Variants in MAP2K1 observed in about 807,000 individuals in gnomAD.
The protein encoded by MAP2K1 is dual specificity mitogen-activated protein kinase kinase 1.
A neutral mutation model predicts 46.3 loss-of-function variants in MAP2K1; 16 were observed. The ratio of observed to expected loss-of-function variants is 0.35; its 90% CI spans 0.23 to 0.52. MAP2K1 has a LOEUF of 0.52. Among genes scored for constraint, MAP2K1 ranks in the 20% least tolerant of loss-of-function variants. The pLI is 0.94. For missense variants in MAP2K1, 263 were observed against 497.1 expected (o/e 0.53, Z 4.48); for synonymous variants, 183 against 185.6 (o/e 0.99, Z 0.11).
rs574754285 is a variant in MAP2K1, at chr15:66,387,522, C to T, written c.80+95C>T. 191 of 1,270,618 alleles carry T rather than the reference C, an allele frequency of 1.5e-4. 4 individuals are homozygous for T. In the East Asian group the frequency reaches 4.8e-3, roughly 32 times the overall value. The allele number at this position is 1,270,618 out of a possible 1,614,324, so 78.7% of individuals were successfully genotyped here. A position where few individuals can be genotyped will look rare whatever the true frequency, so the allele number is the denominator to read the frequency against. On this transcript the variant is annotated intron_variant, in intron 1 of 10. Transcript: ENST00000307102. ...CGCCAGGCTCCGATCTGGTTTGTCACGTACGTCTGGGGCTGGCAGGGGGCG... is the reference window on the plus strand; with the variant it reads ...CGCCAGGCTCCGATCTGGTTTGTCATGTACGTCTGGGGCTGGCAGGGGGCG...
chr15:66,435,281 G>T (rs2093484949), intron 2 of MAP2K1, 44 bp downstream of exon 2: 1 of 1,474,662 alleles, frequency 6.8e-7, no homozygotes, highest in Non-Finnish European at 9.5e-7. Flanking sequence ...ATTTCTCAGG[G>T]TACTTAGAAG....
intron 1 of MAP2K1, among the ~76,000 whole-genome samples, chr15:66,423,205 A>G (rs2093447941): frequency 6.6e-6 from 1 of 152,092 alleles, no homozygotes; most frequent in Non-Finnish European, 1.5e-5. Context: ...CACGTTTTTA[A>G]AATTTCTAGC....
chr15:66,473,927 C>T (rs1890526204), intron 5 of MAP2K1, among the ~76,000 whole-genome samples: 1 of 152,270 alleles, frequency 6.6e-6, no homozygotes, highest in Admixed American at 6.5e-5. Flanking sequence ...AGCAATTCAC[C>T]CGCCCTAGCC....
intron 5 of MAP2K1, among the ~76,000 whole-genome samples, chr15:66,474,870 C>T (rs576113905): frequency 3.3e-5 from 5 of 149,826 alleles, no homozygotes; most frequent in African/African-American, 9.9e-5. Context: ...TGCCACTGCA[C>T]GCTAGCCTGG....
At chr15:66,453,862 A>G (rs1363471846) in intron 5 of MAP2K1, among the ~76,000 whole-genome samples, 1 of 152,058 alleles carries the variant, frequency 6.6e-6, no homozygotes, top group Non-Finnish European at 1.5e-5. Flanking sequence ...ACAGTGGTGC[A>G]GTCATGGCTC....
At chr15:66,448,447 G>A (rs1237929058) in intron 5 of MAP2K1, among the ~76,000 whole-genome samples, 7 of 152,168 alleles carry the variant, frequency 4.6e-5, no homozygotes, top group Non-Finnish European at 1.0e-4. Flanking sequence ...GTAGCTAGGT[G>A]GGCTGTGTAG....
chr15:66,448,555 C>T (rs1318630179), intron 5 of MAP2K1, among the ~76,000 whole-genome samples: 1 of 152,222 alleles, frequency 6.6e-6, no homozygotes, highest in East Asian at 1.9e-4. Context: ...TGTTCCCTCT[C>T]ATTTCCAGGG....
chr15:66,443,331 C>T lies in MAP2K1; in HGVS notation c.490C>T (p.Gln164Ter), dbSNP rs1891772126. 1 of 1,612,204 alleles carries T rather than the reference C, an allele frequency of 6.2e-7. No homozygotes were observed. The highest frequency in any genetic ancestry group is 8.5e-7 in the Non-Finnish European group (1 of 1,178,430). ...GAAGAAAGCTGGAAGAATTCCTGAA[C>T]AAATTTTAGGAAAAGTTAGCATTGC... The part of the protein sequence containing the change: ...VLKKAGRIPE[Q>*]ILGKVSIAVI... Residue 164 changes from glutamine (Q) to a stop codon, truncating the protein, a stop_gained, in exon 4 of 11, where the codon CAA (glutamine) becomes TAA (stop). Transcript: ENST00000307102. LOFTEE classifies it high-confidence loss of function.
At chr15:66,426,614 C>T (rs544234748) in intron 1 of MAP2K1, among the ~76,000 whole-genome samples, 3 of 152,280 alleles carry the variant, frequency 2.0e-5, no homozygotes, top group African/African-American at 7.2e-5. Context: ...CATTGGCACT[C>T]TCAGGGCAGA....
At position 66,406,805 on chromosome 15, in the gene MAP2K1, C is replaced by T. The variant is rs150803734; in HGVS notation, c.80+19378C>T. ...CAGCACTTTGGGAGGCTGAGGCGGG[C>T]GGATCACCTGAGCTCCGCAGTTTGA... On this transcript the variant is annotated intron_variant, in intron 1 of 10. Transcript: ENST00000307102. Among the ~76,000 whole-genome samples, 322 of 151,944 alleles carry T rather than the reference C, an allele frequency of 2.1e-3. 8 individuals are homozygous for T. The East Asian group carries it at 0.057, about 27-fold the overall frequency.
Position 66,485,184 on chromosome 15 carries a change from C to T in MAP2K1, c.888C>T (p.Pro296=), listed in dbSNP as rs1460896822. The T allele has an allele frequency of 1.9e-6, 3 of 1,613,582 alleles. No individual in the cohort carries two copies. The highest frequency in any genetic ancestry group is 8.5e-7 in the Non-Finnish European group (1 of 1,179,924). ...TPPRPRTPGR[P]LSSYGMDSRP... ...CCAGGCCAAGGACCCCCGGGAGGCCCCTTAGCTGTGAGTAGCCTGGTGTGT... is the reference window on the plus strand; with the variant it reads ...CCAGGCCAAGGACCCCCGGGAGGCCTCTTAGCTGTGAGTAGCCTGGTGTGT... Residue 296 remains proline (P), a synonymous_variant, in exon 7 of 11, where the codon CCC becomes CCT. Transcript: ENST00000307102.
chr15:66,404,314 T>G (rs2093390664), intron 1 of MAP2K1, among the ~76,000 whole-genome samples: 1 of 152,106 alleles, frequency 6.6e-6, no homozygotes, highest in Non-Finnish European at 1.5e-5. Context: ...ATCGCGCCAC[T>G]GCACTCCAGC....
chr15:66,446,284 T>C (rs745921851), intron 5 of MAP2K1, among the ~76,000 whole-genome samples: 1 of 151,048 alleles, frequency 6.6e-6, no homozygotes, highest in Non-Finnish European at 1.5e-5. Flanking sequence ...ACTAAAAATA[T>C]AAAAAATAGC....
chr15:66,472,041 C>G (rs1005464137), intron 5 of MAP2K1, among the ~76,000 whole-genome samples: 2 of 144,746 alleles, frequency 1.4e-5, no homozygotes, highest in Admixed American at 7.1e-5. Context: ...CGCGCCATTG[C>G]ACTCCAGCCT....
chr15:66,437,161 A>G (rs2093490537), intron 3 of MAP2K1, among the ~76,000 whole-genome samples: 1 of 152,106 alleles, frequency 6.6e-6, no homozygotes, highest in South Asian at 2.1e-4. Flanking sequence ...TTTGATTCTG[A>G]TTACCCTAAG....
chr15:66,487,613 A>G lies in MAP2K1; in HGVS notation c.960+321A>G, dbSNP rs565668389. 9.9e-5 allele frequency among the ~76,000 whole-genome samples: 15 copies of G among 152,264 alleles called. No homozygotes were observed. The South Asian group carries it at 3.1e-3, about 32-fold the overall frequency. ...AAAACAAAACAAAACAAAAAAACAA[A>G]AAAACACATCGCTGTCACAGGTTCA... On this transcript the variant is annotated intron_variant, in intron 8 of 10. Transcript: ENST00000307102.
At chr15:66,458,672 A>G (rs1892234649) in intron 5 of MAP2K1, among the ~76,000 whole-genome samples, 1 of 152,140 alleles carries the variant, frequency 6.6e-6, no homozygotes, top group African/African-American at 2.4e-5. Context: ...ATGTGCTATC[A>G]TGCCTGACTA....
At chr15:66,461,983 G>A (rs1567018376) in intron 5 of MAP2K1, among the ~76,000 whole-genome samples, 1 of 152,182 alleles carries the variant, frequency 6.6e-6, no homozygotes, top group Non-Finnish European at 1.5e-5. Context: ...TAGCATTAAA[G>A]TTATGGCATT....
At chr15:66,489,552 T>C in intron 9 of MAP2K1, 166 bp from the exon 10 acceptor site, 1 of 731,072 alleles carries the variant, frequency 1.4e-6, no homozygotes, top group Non-Finnish European at 2.5e-6. Context: ...TCAGCAAGAA[T>C]GTATTAACTT....
Sources: allele counts gnomAD v4.1 joint callset (sites outside exome capture counted in the v4.1 genomes callset), GRCh38; gene constraint gnomAD v4.1.1; transcripts MANE v1.5; gene names NCBI Gene and HGNC (gene_info 2026-07-23, HGNC 2026-07-21).